The following CA10 variants were observed in gnomAD, a reference collection of about 807,000 sequenced individuals.
The protein encoded by CA10 is carbonic anhydrase 10 (inactive), also known as carbonic anhydrase-related protein 10.
Under a neutral mutation model 44.2 loss-of-function variants are expected in CA10, and 14 were observed. The observed-to-expected ratio is 0.32, with a 90% confidence interval of 0.21 to 0.50. CA10 has a LOEUF of 0.50. CA10 is among the 20% of genes least tolerant of loss of function. The pLI, the probability that CA10 is intolerant of heterozygous loss-of-function variation, is 0.99. For missense variants in CA10, 350 were observed against 409.7 expected (o/e 0.85, Z 1.26); for synonymous variants, 159 against 141.6 (o/e 1.12, Z -0.87).
intron 2 of CA10, among the ~76,000 whole-genome samples, chr17:51,962,944 T>C (rs951855337): frequency 6.6e-6 from 1 of 152,068 alleles, no homozygotes; most frequent in African/African-American, 2.4e-5. Flanking sequence ...AATTCAGAAA[T>C]GACAAAGAAT....
At chr17:51,877,037 C>A (rs1980111690) in intron 3 of CA10, among the ~76,000 whole-genome samples, 1 of 152,198 alleles carries the variant, frequency 6.6e-6, no homozygotes, top group African/African-American at 2.4e-5. Context: ...GTTTCATTTC[C>A]TGCTCCTTTT....
chr17:51,813,965 T>A (rs1008322957), intron 3 of CA10, among the ~76,000 whole-genome samples: 11 of 152,334 alleles, frequency 7.2e-5, no homozygotes, highest in African/African-American at 2.6e-4. Flanking sequence ...CTGCCTTGTT[T>A]CCTGCTACAG....
At chr17:51,825,546 C>T (rs1049053610) in intron 3 of CA10, among the ~76,000 whole-genome samples, 14 of 152,200 alleles carry the variant, frequency 9.2e-5, no homozygotes, top group African/African-American at 3.4e-4. Context: ...AGCATCAGAG[C>T]ACGGACTTAA....
rs2051902397 is a variant in CA10, at chr17:52,131,022, C to T, written c.61+26704G>A. On this transcript the variant is annotated intron_variant, in intron 1 of 8. Transcript: ENST00000451037. ...TGAGGTAATACATATGTATAATTAGCTTGATTTATCTATCCCACAATGTAT... is the reference window on the plus strand; with the variant it reads ...TGAGGTAATACATATGTATAATTAGTTTGATTTATCTATCCCACAATGTAT... 2.0e-5 allele frequency among the ~76,000 whole-genome samples: 3 copies of T among 152,022 alleles called. No individual in the cohort carries two copies. The South Asian group carries it at 6.2e-4, about 32-fold the overall frequency.
At chr17:52,057,022 T>G (rs1160369075) in intron 2 of CA10, among the ~76,000 whole-genome samples, 1 of 152,066 alleles carries the variant, frequency 6.6e-6, no homozygotes, top group Non-Finnish European at 1.5e-5. Context: ...TCTGGAACCC[T>G]TTGAAATGTT....
intron 4 of CA10, among the ~76,000 whole-genome samples, chr17:51,667,615 C>A (rs1914256493): frequency 6.6e-6 from 1 of 151,868 alleles, no homozygotes; most frequent in Non-Finnish European, 1.5e-5. Context: ...TCCTGCTGCA[C>A]TCTGTGTGGT....
chr17:51,675,163 G>A (rs56763930), intron 4 of CA10, among the ~76,000 whole-genome samples: 3,515 of 152,278 alleles, frequency 0.023, 78 homozygotes, highest in East Asian at 0.12. Flanking sequence ...GGAGGGAAAA[G>A]CATAGTCCCC....
intron 3 of CA10, among the ~76,000 whole-genome samples, chr17:51,759,358 C>G (rs1044496975): frequency 6.3e-5 from 9 of 141,998 alleles, no homozygotes; most frequent in East Asian, 2.0e-4. Flanking sequence ...CTTCTTTGCT[C>G]TGTGTGTGTG....
At chr17:52,157,327 C>T (rs1415595219) in intron 1 of CA10, among the ~76,000 whole-genome samples, 1 of 152,110 alleles carries the variant, frequency 6.6e-6, no homozygotes, top group African/African-American at 2.4e-5. Flanking sequence ...CAGGGCCCCG[C>T]GTCCATTTTG....
intron 4 of CA10, among the ~76,000 whole-genome samples, chr17:51,745,345 G>T (rs1227126961): frequency 6.6e-6 from 1 of 152,116 alleles, no homozygotes; most frequent in Non-Finnish European, 1.5e-5. Context: ...GTTTTGGGAA[G>T]GACTGAGAGG....
intron 7 of CA10, among the ~76,000 whole-genome samples, chr17:51,634,224 CT>C (rs1319044511): frequency 6.6e-6 from 1 of 152,206 alleles, no homozygotes; most frequent in Non-Finnish European, 1.5e-5. Context: ...AGAGAAAGCA[CT>C]TCTGGGGTTC....
intron 3 of CA10, among the ~76,000 whole-genome samples, chr17:51,782,570 C>T (rs576947236): frequency 1.3e-5 from 2 of 152,336 alleles, no homozygotes; most frequent in Admixed American, 1.3e-4. Context: ...TCTCTTCATT[C>T]TCCATGGAGC....
chr17:51,975,467 C>T (rs1598148495), intron 2 of CA10, among the ~76,000 whole-genome samples: 1 of 152,060 alleles, frequency 6.6e-6, no homozygotes, highest in Admixed American at 6.6e-5. Context: ...TCACCTGAGG[C>T]CAGGAGTTCA....
chr17:51,676,141 A>G (rs957018003), intron 4 of CA10, among the ~76,000 whole-genome samples: 2 of 152,164 alleles, frequency 1.3e-5, no homozygotes, highest in Non-Finnish European at 2.9e-5. Flanking sequence ...TTGGGTATAT[A>G]CCTATGACCG....
chr17:51,725,466 CAA>C, intron 4 of CA10, among the ~76,000 whole-genome samples: 1 of 152,182 alleles, frequency 6.6e-6, no homozygotes, highest in African/African-American at 2.4e-5. Context: ...AGCATATCAA[CAA>C]GGCAAGGAAA....
intron 2 of CA10, among the ~76,000 whole-genome samples, chr17:52,026,447 A>G (rs1470535525): frequency 6.6e-6 from 1 of 152,112 alleles, no homozygotes. Flanking sequence ...TCAAAGACAG[A>G]GGCAGATGAT....
chr17:51,826,476 C>A (rs576385028), intron 3 of CA10, among the ~76,000 whole-genome samples: 1 of 152,320 alleles, frequency 6.6e-6, no homozygotes, highest in South Asian at 2.1e-4. Flanking sequence ...TATGAAAGGA[C>A]TTCATAAGCT....
At chr17:52,136,620 G>A (rs1989364783) in intron 1 of CA10, among the ~76,000 whole-genome samples, 1 of 152,140 alleles carries the variant, frequency 6.6e-6, no homozygotes, top group Admixed American at 6.5e-5. Context: ...TTGTGTGGGT[G>A]CTTGATGAGC....
At chr17:51,831,766 A>C (rs143689626) in intron 3 of CA10, among the ~76,000 whole-genome samples, 1 of 134,936 alleles carries the variant, frequency 7.4e-6, no homozygotes, top group East Asian at 2.5e-4. Flanking sequence ...TTTTTCACTG[A>C]CTGGACAGGG....
Sources: allele counts gnomAD v4.1 joint callset (sites outside exome capture counted in the v4.1 genomes callset), GRCh38; gene constraint gnomAD v4.1.1; transcripts MANE v1.5; gene names NCBI Gene and HGNC (gene_info 2026-07-23, HGNC 2026-07-21).